Variants in BPNT2 observed in about 807,000 individuals in gnomAD.
BPNT2 encodes Golgi-resident adenosine 3',5'-bisphosphate 3'-phosphatase.
Under a neutral mutation model 29.3 loss-of-function variants are expected in BPNT2, and 11 were observed. The ratio of observed to expected loss-of-function variants is 0.38; its 90% CI spans 0.24 to 0.62. The LOEUF (loss-of-function observed/expected upper bound fraction) is 0.62. BPNT2 is among the 20% of genes least tolerant of loss of function. The pLI is 0.62. For synonymous variants in BPNT2, 195 were observed against 187.7 expected (o/e 1.04, Z -0.32); for missense variants, 459 against 473.4 (o/e 0.97, Z 0.28).
intron 1 of BPNT2, among the ~76,000 whole-genome samples, chr8:56,992,257 G>A (rs544548799): frequency 2.6e-5 from 4 of 152,274 alleles, no homozygotes; most frequent in African/African-American, 9.6e-5. Flanking sequence ...AAATTCCAGT[G>A]AAGACAATTT....
intron 1 of BPNT2, among the ~76,000 whole-genome samples, chr8:56,984,626 T>C (rs1405691613): frequency 6.6e-6 from 1 of 152,240 alleles, no homozygotes; most frequent in African/African-American, 2.4e-5. Context: ...AATGGCTATA[T>C]ACGCTAAACT....
chr8:56,993,694 C>T lies in BPNT2; in HGVS notation c.-109G>A. 1 of 1,031,048 alleles carries T rather than the reference C, an allele frequency of 9.7e-7. No individual in the cohort carries two copies. The allele number at this position is 1,031,048 out of a possible 1,614,324, so 63.9% of individuals were successfully genotyped here. ...CGGGCCAGGCGCCGCGCGGGCTACA[C>T]TGGCGCCCGCTCCCCGGCCCCGGTG... On this transcript the variant is annotated 5_prime_UTR_variant, in exon 1 of 5. The change creates a new upstream start codon in the 5' untranslated region. Coordinates refer to ENST00000262644, the MANE Select transcript of BPNT2 (RefSeq NM_017813.5).
Position 56,960,667 on chromosome 8 carries a change from A to C in BPNT2, c.*3126T>G, listed in dbSNP as rs1438849621. 6.6e-6 allele frequency: 1 copy of C among 152,206 alleles called. No homozygotes were observed. The highest frequency in any genetic ancestry group is 2.4e-5 in the African/African-American group (1 of 41,466). The allele number at this position is 152,206 out of a possible 1,614,324, so 9.4% of individuals were successfully genotyped here. The stretch of plus-strand genomic sequence containing the variant: ...GAACTGGGGATACAAGTAGGAAAAC[A>C]GTAAAAGCAAGTTTCCTCAAGCATG... On this transcript the variant is annotated 3_prime_UTR_variant, in exon 5 of 5. Transcript: ENST00000262644.
chr8:56,974,195 T>G (rs2129204620), intron 3 of BPNT2, among the ~76,000 whole-genome samples: 1 of 152,306 alleles, frequency 6.6e-6, no homozygotes, highest in South Asian at 2.1e-4. Flanking sequence ...CTATTTATGT[T>G]GTTAAGATTT....
rs530470175 is a variant in BPNT2, at chr8:56,993,361, G to C, written c.225C>G (p.Val75=). 3.1e-6 allele frequency: 5 copies of C among 1,610,222 alleles called. No individual in the cohort carries two copies. The highest frequency in any genetic ancestry group is 1.6e-4 in the Middle Eastern group (1 of 6,062). Residue 75 remains valine (V), a synonymous_variant, in exon 1 of 5, where the codon GTC becomes GTG. Transcript: ENST00000262644. ...CGCGCCTCACCTCGTCGCCGCCGCGGACTGCGGCCAGCACTGACACAGCCA... is the reference window on the plus strand; with the variant it reads ...CGCGCCTCACCTCGTCGCCGCCGCGCACTGCGGCCAGCACTGACACAGCCA... ...EMLAVSVLAA[V]RGGDEVRRVR...
At chr8:56,982,849 T>C (rs2129205910) in intron 1 of BPNT2, among the ~76,000 whole-genome samples, 1 of 152,318 alleles carries the variant, frequency 6.6e-6, no homozygotes, top group South Asian at 2.1e-4. Context: ...AGTTTATCCA[T>C]TACCCTGATG....
In BPNT2 at chr8:56,977,443, T is replaced by C. The variant is rs567956657; in HGVS notation, c.646+607A>G. ...CACATGTGTCTATGTCCTTTCTGTT[T>C]CTTATAAAAACACTCTAATTGGCTT... is the stretch of plus-strand genomic sequence containing the variant. On this transcript the variant is annotated intron_variant, in intron 3 of 4. Coordinates refer to ENST00000262644, the MANE Select transcript of BPNT2 (RefSeq NM_017813.5). Among the ~76,000 whole-genome samples the C allele has an allele frequency of 7.9e-5, 12 of 152,278 alleles. No individual in the cohort carries two copies. The East Asian group carries it at 2.1e-3, about 27-fold the overall frequency.
intron 3 of BPNT2, among the ~76,000 whole-genome samples, chr8:56,973,529 C>T (rs1479356634): frequency 3.3e-5 from 5 of 152,116 alleles, no homozygotes; most frequent in South Asian, 4.1e-4. Context: ...ACAACAGAGG[C>T]AATCAAGAAA....
intron 3 of BPNT2, among the ~76,000 whole-genome samples, chr8:56,972,453 T>G (rs1806055615): frequency 6.6e-6 from 1 of 151,904 alleles, no homozygotes; most frequent in African/African-American, 2.4e-5. Flanking sequence ...ACAAGAAAAC[T>G]CATGAAGCCA....
Position 56,966,314 on chromosome 8 carries a change from G to A in BPNT2, c.685C>T (p.Arg229Cys), listed in dbSNP as rs1046663. 1.8e-5 allele frequency: 29 copies of A among 1,613,766 alleles called. No homozygotes were observed. Among genetic ancestry groups the A allele is most frequent in the South Asian group, 2.2e-5 (2 of 91,086 alleles). ...GGGGTCTTCTCATTGTAGGAAGAGCGGGCTTTCACATTTGAACCACCATCT... is the reference window on the plus strand; with the variant it reads ...GGGGTCTTCTCATTGTAGGAAGAGCAGGCTTTCACATTTGAACCACCATCT... ...MVDGGSNVKA[R>C]SSYNEKTPRI... Residue 229 changes from arginine to cysteine, a missense_variant, in exon 4 of 5, where the codon CGC (arginine) becomes TGC (cysteine). Transcript: ENST00000262644.
At chr8:56,971,782 A>AACCCCCCCC (rs1806037005) in intron 3 of BPNT2, among the ~76,000 whole-genome samples, 3 of 104,174 alleles carry the variant, frequency 2.9e-5, no homozygotes, top group Admixed American at 1.1e-4. Context: ...ATTTTGTACC[A>AACCCCCCCC]CCCCCCCCCC....
At chr8:56,966,584 G>A (rs1241597233) in intron 3 of BPNT2, among the ~76,000 whole-genome samples, 3 of 152,018 alleles carry the variant, frequency 2.0e-5, no homozygotes, top group Non-Finnish European at 4.4e-5. Context: ...ATGTTATCTT[G>A]CATAACCAAA....
chr8:56,967,253 T>A (rs1219705282), intron 3 of BPNT2: 2 of 456,164 alleles, frequency 4.4e-6, no homozygotes, highest in African/African-American at 4.0e-5. Context: ...TTAGCTGAGT[T>A]TGGGTTTCTG....
chr8:56,992,246 A>G (rs550254202), intron 1 of BPNT2, among the ~76,000 whole-genome samples: 1 of 152,234 alleles, frequency 6.6e-6, no homozygotes, highest in Non-Finnish European at 1.5e-5. Flanking sequence ...TTTATCTAAT[A>G]AAATTCCAGT....
chr8:56,971,775 T>G (rs973667257), intron 3 of BPNT2, among the ~76,000 whole-genome samples: 1 of 93,596 alleles, frequency 1.1e-5, no homozygotes, highest in Non-Finnish European at 1.9e-5. Context: ...TGAAATAATT[T>G]TGTACCACCC....
intron 1 of BPNT2, among the ~76,000 whole-genome samples, chr8:56,987,878 G>A (rs1396680987): frequency 6.6e-6 from 1 of 151,660 alleles, no homozygotes; most frequent in Non-Finnish European, 1.5e-5. Context: ...ACAGACACCC[G>A]CCACCACGCC....
intron 1 of BPNT2, among the ~76,000 whole-genome samples, chr8:56,984,943 G>T (rs960649893): frequency 6.6e-6 from 1 of 151,646 alleles, no homozygotes; most frequent in African/African-American, 2.4e-5. Context: ...CTCAGCCTCA[G>T]GGCCTTTGTA....
intron 3 of BPNT2, among the ~76,000 whole-genome samples, chr8:56,970,318 T>C (rs1806009690): frequency 6.6e-6 from 1 of 152,210 alleles, no homozygotes; most frequent in African/African-American, 2.4e-5. Context: ...CAAAAATGCT[T>C]AACCTCAATC....
Position 56,993,265 on chromosome 8 carries a change from G to A in BPNT2, c.321C>T (p.Thr107=), listed in dbSNP as rs1034584395. ...TGCGGTTGGACAGCACGTCGCCGCTGGTCATCTTGTCCTCGGCTCCCTCGC... is the reference window on the plus strand; with the variant it reads ...TGCGGTTGGACAGCACGTCGCCGCTAGTCATCTTGTCCTCGGCTCCCTCGC... The part of the protein sequence containing the change: ...KTREGAEDKM[T]SGDVLSNRKM... The change falls in exon 1 of 5, where the codon ACC becomes ACT. Residue 107 remains threonine (T), a synonymous_variant. Transcript: ENST00000262644. 1 of 1,610,400 alleles carries A rather than the reference G, an allele frequency of 6.2e-7. No individual in the cohort carries two copies. The highest frequency in any genetic ancestry group is 1.3e-5 in the African/African-American group (1 of 74,932).
Sources: gnomAD v4.1 joint callset for allele counts (sites outside exome capture counted in the v4.1 genomes callset) on GRCh38, gnomAD v4.1.1 for gene constraint, MANE v1.5 for transcripts, NCBI Gene and HGNC (gene_info 2026-07-23, HGNC 2026-07-21) for gene names.